ADGRL3: variants seen among roughly 807,000 people sequenced by gnomAD.
The protein encoded by ADGRL3 is calcium-independent alpha-latrotoxin receptor 3.
ADGRL3 carries 62 observed loss-of-function variants against 153.5 expected under a neutral mutation model. The observed-to-expected ratio is 0.40, with a 90% confidence interval of 0.33 to 0.50. ADGRL3 has a LOEUF of 0.50. Ranked by LOEUF, ADGRL3 falls within the 20% of genes least tolerant of loss-of-function variation. The pLI is 0.47. For missense variants in ADGRL3, 1,641 were observed against 1,859.4 expected, an observed-to-expected ratio of 0.88 and a Z score of 2.16; for synonymous variants, 710 against 672.5, an observed-to-expected ratio of 1.06 and a Z score of -0.86.
At chr4:61,440,285 T>C (rs1322100925) in intron 2 of ADGRL3, among the ~76,000 whole-genome samples, 2 of 152,154 alleles carry the variant, frequency 1.3e-5, no homozygotes, top group African/African-American at 4.8e-5. Context: ...CCTGACCTCA[T>C]GATCCGCCTG....
chr4:61,733,520 T>C lies in ADGRL3; in HGVS notation c.1365T>C (p.Tyr455=), dbSNP rs536077723. The C allele has an allele frequency of 5.9e-4, 959 of 1,613,462 alleles. 20 individuals carry two copies. The South Asian group carries it at 0.01, about 17-fold the overall frequency. ...YVWNNYHVVK[Y]SLDFGPLDSR... ...GGAATAACTATCACGTCGTGAAATA[T>C]TCTTTGGATTTTGGACCTCTGGATA... The change falls in exon 8 of 27, where the codon TAT becomes TAC. Residue 455 remains tyrosine (Y), a synonymous_variant. Transcript: ENST00000683033.
intron 2 of ADGRL3, among the ~76,000 whole-genome samples, chr4:61,406,735 C>T (rs1486440117): frequency 6.6e-6 from 1 of 151,914 alleles, no homozygotes; most frequent in African/African-American, 2.4e-5. Flanking sequence ...GATATTTTAA[C>T]TGTAATGTGT....
intron 1 of ADGRL3, among the ~76,000 whole-genome samples, chr4:61,299,867 G>A (rs898852452): frequency 4.6e-5 from 7 of 152,052 alleles, no homozygotes; most frequent in Admixed American, 3.3e-4. Context: ...AGATTACCAA[G>A]AAAATTTAAC....
At chr4:61,380,035 T>C (rs1322947274) in intron 1 of ADGRL3, among the ~76,000 whole-genome samples, 1 of 151,954 alleles carries the variant, frequency 6.6e-6, no homozygotes, top group Non-Finnish European at 1.5e-5. Flanking sequence ...TAAATGTGAA[T>C]TTAACTTGCC....
chr4:61,691,021 C>A (rs904919178), intron 6 of ADGRL3, among the ~76,000 whole-genome samples: 5 of 152,162 alleles, frequency 3.3e-5, no homozygotes, highest in African/African-American at 1.2e-4. Context: ...TTATGAATGA[C>A]TGCTCTGCAA....
intron 21 of ADGRL3, among the ~76,000 whole-genome samples, chr4:62,017,713 C>A (rs1510920): frequency 0.89 from 134,816 of 152,058 alleles, 60,479 homozygotes; most frequent in Non-Finnish European, 0.95. Flanking sequence ...TAGACTCATT[C>A]AAGTTTTTCT....
At chr4:62,064,094 A>G (rs1255646873) in intron 25 of ADGRL3, among the ~76,000 whole-genome samples, 1 of 152,104 alleles carries the variant, frequency 6.6e-6, no homozygotes, top group African/African-American at 2.4e-5. Flanking sequence ...AGTACTGATG[A>G]AAGCATTTCA....
rs149816060 is a variant in ADGRL3 at position 61,220,809 on chromosome 4, C to T, written c.-240+19044C>T. On this transcript the variant is annotated intron_variant, in intron 1 of 26. Transcript: ENST00000683033. Reference sequence around the variant, plus strand: ...TGAAAGGAATGATTATCTAGCAATTCGTGAGATACAAATGGAAGCCTGAAT... The same window carrying T: ...TGAAAGGAATGATTATCTAGCAATTTGTGAGATACAAATGGAAGCCTGAAT... Among the ~76,000 whole-genome samples, 568 of 152,246 alleles carry T rather than the reference C, an allele frequency of 3.7e-3. 6 individuals carry two copies. The highest frequency in any genetic ancestry group is 0.013 in the African/African-American group (542 of 41,556).
chr4:61,306,813 A>G (rs1505657), intron 1 of ADGRL3, among the ~76,000 whole-genome samples: 2,565 of 152,286 alleles, frequency 0.017, 66 homozygotes, highest in African/African-American at 0.058. Flanking sequence ...CTGTTGCCCT[A>G]TTTCAGTCAA....
At chr4:61,210,460 C>T (rs545580624) in intron 1 of ADGRL3, among the ~76,000 whole-genome samples, 8 of 152,008 alleles carry the variant, frequency 5.3e-5, no homozygotes, top group Non-Finnish European at 1.0e-4. Context: ...GGGTGGGTAA[C>T]CTGAATACTA....
chr4:61,889,263 G>T (rs1301964490), intron 9 of ADGRL3, among the ~76,000 whole-genome samples: 8 of 152,234 alleles, frequency 5.3e-5, no homozygotes, highest in Non-Finnish European at 1.0e-4. Context: ...ATAGCAGTTA[G>T]TTAGCCAGGT....
chr4:61,948,689 A>G (rs997571219), intron 17 of ADGRL3, among the ~76,000 whole-genome samples: 1 of 152,116 alleles, frequency 6.6e-6, no homozygotes, highest in African/African-American at 2.4e-5. Context: ...TGGGAAAGCA[A>G]CCCTCAAGCA....
At chr4:61,985,343 G>A (rs1180949307) in intron 19 of ADGRL3, among the ~76,000 whole-genome samples, 1 of 151,876 alleles carries the variant, frequency 6.6e-6, no homozygotes, top group Non-Finnish European at 1.5e-5. Flanking sequence ...TTGAAGCAGA[G>A]GAACTTTTCC....
At chr4:61,212,076 T>C (rs1740294262) in intron 1 of ADGRL3, 2 of 152,150 alleles carry the variant, frequency 1.3e-5, no homozygotes, top group Admixed American at 1.3e-4. Flanking sequence ...AATTAACCCA[T>C]GTATGAGCTT....
chr4:61,900,838 A>C (rs1176059516), intron 11 of ADGRL3, among the ~76,000 whole-genome samples: 1 of 152,202 alleles, frequency 6.6e-6, no homozygotes, highest in Non-Finnish European at 1.5e-5. Flanking sequence ...TTCTTAAAAA[A>C]GTTTCCAGTT....
At chr4:61,325,236 A>G (rs2095440771) in intron 1 of ADGRL3, among the ~76,000 whole-genome samples, 2 of 152,164 alleles carry the variant, frequency 1.3e-5, no homozygotes, top group African/African-American at 2.4e-5. Context: ...CGCTTGAACC[A>G]GGGAGTCGGA....
At chr4:61,882,030 G>A (rs752996462) in intron 9 of ADGRL3, among the ~76,000 whole-genome samples, 3 of 151,980 alleles carry the variant, frequency 2.0e-5, no homozygotes, top group Non-Finnish European at 4.4e-5. Flanking sequence ...TTGTTTTTAT[G>A]TTTTTCTCAC....
At chr4:61,524,450 G>C (rs577943334) in intron 4 of ADGRL3, among the ~76,000 whole-genome samples, 3 of 151,868 alleles carry the variant, frequency 2.0e-5, no homozygotes, top group African/African-American at 7.2e-5. Context: ...ACTGCTTAAG[G>C]AGCTATTTCT....
intron 2 of ADGRL3, among the ~76,000 whole-genome samples, chr4:61,487,765 A>G (rs1384890372): frequency 1.3e-5 from 2 of 152,134 alleles, no homozygotes; most frequent in East Asian, 1.9e-4. Context: ...TTGAGATTTT[A>G]TGCGTGATTT....
Sources: allele counts gnomAD v4.1 joint callset (sites outside exome capture counted in the v4.1 genomes callset), GRCh38; gene constraint gnomAD v4.1.1; transcripts MANE v1.5; gene names NCBI Gene and HGNC (gene_info 2026-07-23, HGNC 2026-07-21).